Variants in KCNQ1 observed in about 807,000 individuals in gnomAD.
KCNQ1 encodes potassium voltage-gated channel subfamily Q member 1.
In KCNQ1, 49 loss-of-function variants were observed where a neutral mutation model predicts 72.4. That is an observed-to-expected ratio of 0.68 (90% confidence interval 0.54 to 0.86). The LOEUF is 0.86. Ranked by LOEUF, KCNQ1 falls within the 40% of genes least tolerant of loss-of-function variation. The pLI is 0.00. For missense variants in KCNQ1, 790 were observed against 945.1 expected, an observed-to-expected ratio of 0.84 and a Z score of 2.15; for synonymous variants, 450 against 412.6, an observed-to-expected ratio of 1.09 and a Z score of -1.10.
At position 2,479,941 on chromosome 11, in the gene KCNQ1, G is replaced by T. The variant is rs940040117; in HGVS notation, c.386+34457G>T. On this transcript the variant is annotated intron_variant, in intron 1 of 15. Transcript: ENST00000155840. This position sits in a 1 kb window ranked among gnomAD's most constrained non-coding sequence, Gnocchi z 4.6. The stretch of plus-strand genomic sequence containing the variant: ...AAATACCCTAAATCATCTCCCTCAA[G>T]TTCAAAGTTCCACAAATCTCTAGGG... 1.3e-5 allele frequency among the ~76,000 whole-genome samples: 2 copies of T among 152,132 alleles called. No individual in the cohort carries two copies. Among genetic ancestry groups the T allele is most frequent in the African/African-American group, 4.8e-5 (2 of 41,430 alleles).
At chr11:2,793,072 G>A (rs538918007) in intron 15 of KCNQ1, among the ~76,000 whole-genome samples, 48 of 152,202 alleles carry the variant, frequency 3.2e-4, no homozygotes, top group Non-Finnish European at 6.5e-4. Context: ...GTCAGGGCAG[G>A]AGCTGCTGAG....
In KCNQ1 at chr11:2,612,871, C is replaced by G; in HGVS notation, c.1393+24017C>G. On this transcript the variant is annotated intron_variant, in intron 10 of 15. Coordinates refer to ENST00000155840, the MANE Select transcript of KCNQ1 (RefSeq NM_000218.3). This position sits in a 1 kb window ranked among gnomAD's most constrained non-coding sequence, Gnocchi z 5.5. ...GAAACTCTGGATTCTAGTTCTTCTC[C>G]CTAACCAGGGATGATTTCTGTTACT... is the stretch of plus-strand genomic sequence containing the variant. The G allele has an allele frequency of 2.5e-6, 1 of 398,476 alleles. No homozygotes were observed. The highest frequency in any genetic ancestry group is 4.4e-6 in the Non-Finnish European group (1 of 226,038). 24.7% of individuals were successfully genotyped at this position (398,476 alleles called of 1,614,324 possible).
chr11:2,656,900 G>C (rs1195623361), intron 10 of KCNQ1: 58 of 398,492 alleles, frequency 1.5e-4, no homozygotes, highest in Non-Finnish European at 1.9e-4. Flanking sequence ...TTTGGTATAT[G>C]ATGTGAGGTA....
rs1476463831 is a variant in KCNQ1, at chr11:2,712,532, C to T, written c.1514+50451C>T. Among the ~76,000 whole-genome samples the T allele has an allele frequency of 6.6e-6, 1 of 151,722 alleles. No homozygotes were observed. Among genetic ancestry groups the T allele is most frequent in the Non-Finnish European group, 1.5e-5 (1 of 67,874 alleles). On this transcript the variant is annotated intron_variant, in intron 11 of 15. Coordinates refer to ENST00000155840, the MANE Select transcript of KCNQ1 (RefSeq NM_000218.3). This position sits in a 1 kb window ranked among gnomAD's most constrained non-coding sequence, Gnocchi z 6.4. ...CCACATATTCCCGAAGCCACCAGGC[C>T]AGACACCGCCCCAGCTGAATGCATG... is the stretch of plus-strand genomic sequence containing the variant.
chr11:2,773,038 T>C (rs1846627636), intron 12 of KCNQ1, among the ~76,000 whole-genome samples: 1 of 152,254 alleles, frequency 6.6e-6, no homozygotes, highest in Non-Finnish European at 1.5e-5. Context: ...TAGGATTCCC[T>C]GACCTTTCTC....
At chr11:2,649,314 T>G (rs952116317) in intron 10 of KCNQ1, 1 of 398,546 alleles carries the variant, frequency 2.5e-6, no homozygotes. Flanking sequence ...TGCAATTTTT[T>G]GGTTTTCTGT....
intron 6 of KCNQ1, among the ~76,000 whole-genome samples, chr11:2,581,728 TGCACAA>T (rs1262012619): frequency 6.6e-6 from 1 of 152,254 alleles, no homozygotes; most frequent in Non-Finnish European, 1.5e-5. Context: ...CGTGTGTGTG[TGCACAA>T]GCACAGACAC....
Position 2,674,933 on chromosome 11 carries a change from C to A in KCNQ1, c.1514+12852C>A. 2.5e-6 allele frequency: 1 copy of A among 397,824 alleles called. No homozygotes were observed. Among genetic ancestry groups the A allele is most frequent in the Admixed American group, 4.4e-5 (1 of 22,660 alleles). 24.6% of individuals were successfully genotyped at this position (397,824 alleles called of 1,614,324 possible). A position where few individuals can be genotyped will look rare whatever the true frequency, so the allele number is the denominator to read the frequency against. ...GCTCCAGCTGCAGAGTTTTTCCAGG[C>A]CTCGCTTCTGGGGCTGACTGGAGCT... On this transcript the variant is annotated intron_variant, in intron 11 of 15. Transcript: ENST00000155840. This position sits in a 1 kb window ranked among gnomAD's most constrained non-coding sequence, Gnocchi z 5.9.
chr11:2,564,786 C>T lies in KCNQ1; in HGVS notation c.478-5842C>T, dbSNP rs945432708. ...CTGGCGCCCATCATCTACTTTCTAC[C>T]TCTGTGAATCTGATGACTGTAGCGA... On this transcript the variant is annotated intron_variant, in intron 2 of 15. Transcript: ENST00000155840. The surrounding 1 kb of genome is among the most constrained non-coding windows in gnomAD (Gnocchi z 4.5). Among the ~76,000 whole-genome samples, 4 of 152,204 alleles carry T rather than the reference C, an allele frequency of 2.6e-5. No individual in the cohort carries two copies. Among genetic ancestry groups the T allele is most frequent in the Admixed American group, 6.5e-5 (1 of 15,278 alleles).
In KCNQ1 at chr11:2,658,091, A is replaced by G. The variant is rs1849883844; in HGVS notation, c.1394-3870A>G. 1 of 398,398 alleles carries G rather than the reference A, an allele frequency of 2.5e-6. No homozygotes were observed. 24.7% of individuals were successfully genotyped at this position (398,398 alleles called of 1,614,324 possible). A position where few individuals can be genotyped will look rare whatever the true frequency, so the allele number is the denominator to read the frequency against. On this transcript the variant is annotated intron_variant, in intron 10 of 15. Transcript: ENST00000155840. The surrounding 1 kb of genome is among the most constrained non-coding windows in gnomAD (Gnocchi z 4.9). The stretch of plus-strand genomic sequence containing the variant: ...GTGGGGAAGGGAGGGGTTCAACTCT[A>G]CCTCCTGCAGGAGAGTATCAAAAAA...
intron 15 of KCNQ1, among the ~76,000 whole-genome samples, chr11:2,799,373 C>CGT (rs1554924587): frequency 1.5e-3 from 190 of 124,802 alleles, no homozygotes; most frequent in African/African-American, 5.7e-3. Flanking sequence ...GCTGTAAGTT[C>CGT]GAGTGTGTGT....
rs1180836545 is a variant in KCNQ1 at position 2,491,147 on chromosome 11, C to T, written c.387-36781C>T. Among the ~76,000 whole-genome samples, 1 of 152,188 alleles carries T rather than the reference C, an allele frequency of 6.6e-6. No homozygotes were observed. Among genetic ancestry groups the T allele is most frequent in the South Asian group, 2.1e-4 (1 of 4,836 alleles). Reference sequence around the variant, plus strand: ...CTTTACCAAGAAAGATGGGTACAAACAAGCCCAGACTGCAAAGGCTACAAT... The same window carrying T: ...CTTTACCAAGAAAGATGGGTACAAATAAGCCCAGACTGCAAAGGCTACAAT... On this transcript the variant is annotated intron_variant, in intron 1 of 15. Transcript: ENST00000155840. The surrounding 1 kb of genome is among the most constrained non-coding windows in gnomAD (Gnocchi z 4.1).
chr11:2,632,343 T>C (rs1202597718), intron 10 of KCNQ1: 8 of 398,360 alleles, frequency 2.0e-5, no homozygotes, highest in African/African-American at 4.1e-5. Flanking sequence ...AATTCTTCCT[T>C]TCTAAATGAT....
Position 2,620,224 on chromosome 11 carries a change from A to ATT in KCNQ1, c.1393+31379_1393+31380dup, listed in dbSNP as rs1346302503. On this transcript the variant is annotated intron_variant, in intron 10 of 15. Coordinates refer to ENST00000155840, the MANE Select transcript of KCNQ1 (RefSeq NM_000218.3). The surrounding 1 kb of genome is among the most constrained non-coding windows in gnomAD (Gnocchi z 4.5). Reference sequence around the variant, plus strand: ...GTATATATATATATTTTTTTTTTTTATTTTTTTTTTAGACGGAGTTTCGCT... The same window carrying ATT: ...GTATATATATATATTTTTTTTTTTTATTTTTTTTTTTTAGACGGAGTTTCGCT... 7 of 225,942 alleles carry ATT rather than the reference A, an allele frequency of 3.1e-5. No homozygotes were observed. Among genetic ancestry groups the ATT allele is most frequent in the African/African-American group, 8.3e-5 (3 of 36,124 alleles). 14.0% of individuals were successfully genotyped at this position (225,942 alleles called of 1,614,324 possible).
At chr11:2,839,775 G>GGAGAC (rs1848163652) in intron 15 of KCNQ1, 1 of 152,208 alleles carries the variant, frequency 6.6e-6, no homozygotes, top group Non-Finnish European at 1.5e-5. Context: ...CTCCGACCAG[G>GGAGAC]GAGACAGACA....
intron 10 of KCNQ1, chr11:2,628,027 C>T: frequency 5.0e-6 from 2 of 398,672 alleles, no homozygotes; most frequent in Non-Finnish European, 8.8e-6. Flanking sequence ...ACTGGGATTA[C>T]AGGTACAAGC....
At chr11:2,649,677 G>T in intron 10 of KCNQ1, 5 of 398,512 alleles carry the variant, frequency 1.3e-5, no homozygotes. Flanking sequence ...CTGTTAATCT[G>T]CTGTTGATTC....
At chr11:2,517,667 C>T (rs73419568) in intron 1 of KCNQ1, among the ~76,000 whole-genome samples, 5,197 of 152,290 alleles carry the variant, frequency 0.034, 118 homozygotes, top group African/African-American at 0.065. Context: ...TCTGGGGCAG[C>T]CCCTAAGACG....
At chr11:2,521,953 C>G (rs1258892624) in intron 1 of KCNQ1, among the ~76,000 whole-genome samples, 1 of 152,242 alleles carries the variant, frequency 6.6e-6, no homozygotes, top group Admixed American at 6.5e-5. Flanking sequence ...TGGAGCCCAC[C>G]CAGGCCCGCT....
Sources: allele counts gnomAD v4.1 joint callset (sites outside exome capture counted in the v4.1 genomes callset), GRCh38; gene constraint gnomAD v4.1.1; non-coding constraint Gnocchi (gnomAD v3.1); transcripts MANE v1.5; gene names NCBI Gene and HGNC (gene_info 2026-07-23, HGNC 2026-07-21).